Variants in MAPK14 observed in about 807,000 individuals in gnomAD.
The protein encoded by MAPK14 is mitogen-activated protein kinase 14.
MAPK14 carries 16 observed loss-of-function variants against 49.6 expected under a neutral mutation model. That is an observed-to-expected ratio of 0.32 (90% CI 0.22 to 0.49). The LOEUF (loss-of-function observed/expected upper bound fraction) is 0.49, where lower values mean the gene tolerates loss of function less well. MAPK14 is among the 20% of genes least tolerant of loss of function. The probability of loss-of-function intolerance (pLI) is 0.99; values close to 1 mark genes in which losing one functional copy is unlikely to be tolerated. For synonymous variants in MAPK14, 142 were observed against 158.0 expected (o/e 0.90, Z 0.76); for missense variants, 200 against 441.2 (o/e 0.45, Z 4.90).
At position 36,072,281 on chromosome 6, in the gene MAPK14, T is replaced by C. The variant is rs900934091; in HGVS notation, c.306-592T>C. On this transcript the variant is annotated intron_variant, in intron 3 of 11. Transcript: ENST00000229794. ...TGAGCCCAGGAGTTTGAGGTTGCAG[T>C]GAATTACTATGATTGCTCCACTGCA... 4.6e-5 allele frequency among the ~76,000 whole-genome samples: 7 copies of C among 151,988 alleles called. No homozygotes were observed. In the South Asian group the frequency reaches 1.3e-3, roughly 27 times the overall value.
intron 9 of MAPK14, 149 bp downstream of exon 9, chr6:36,096,215 G>A (rs1405074417): frequency 1.0e-5 from 6 of 600,898 alleles, no homozygotes; most frequent in Non-Finnish European, 3.0e-6. Context: ...GACAGTGTGA[G>A]TGTGTGTGTG....
chr6:36,104,231 G>A (rs1003592292), intron 10 of MAPK14, among the ~76,000 whole-genome samples: 1 of 152,164 alleles, frequency 6.6e-6, no homozygotes, highest in Non-Finnish European at 1.5e-5. Context: ...GGGTGGGTAC[G>A]ATTCTACTGA....
chr6:36,038,195 A>G (rs1211033913), intron 1 of MAPK14, among the ~76,000 whole-genome samples: 6 of 152,110 alleles, frequency 3.9e-5, no homozygotes, highest in Non-Finnish European at 8.8e-5. Flanking sequence ...ATAAAGTAAC[A>G]ATTGAGCAAA....
intron 1 of MAPK14, among the ~76,000 whole-genome samples, chr6:36,036,470 G>A (rs1762755042): frequency 1.3e-5 from 2 of 152,110 alleles, no homozygotes; most frequent in African/African-American, 4.8e-5. Flanking sequence ...TTCTACTGTG[G>A]GTAAAATGCT....
chr6:36,052,582 GC>G (rs1763443981), intron 1 of MAPK14, 116 bp from the exon 2 acceptor site: 1 of 866,344 alleles, frequency 1.2e-6, no homozygotes, highest in East Asian at 3.0e-5. Flanking sequence ...TTATCTTTAT[GC>G]TTTTTTTTGG....
intron 3 of MAPK14, among the ~76,000 whole-genome samples, chr6:36,063,378 A>G (rs898616649): frequency 1.1e-4 from 16 of 152,186 alleles, no homozygotes; most frequent in African/African-American, 3.9e-4. Context: ...ACTTGAGCCC[A>G]AGAGCTGGAG....
intron 1 of MAPK14, among the ~76,000 whole-genome samples, chr6:36,046,398 C>T (rs1445373522): frequency 6.6e-6 from 1 of 152,140 alleles, no homozygotes; most frequent in African/African-American, 2.4e-5. Flanking sequence ...CAAGGTTTTA[C>T]TTGTAGCTCT....
At chr6:36,105,100 A>G (rs1369343454) in intron 10 of MAPK14, among the ~76,000 whole-genome samples, 1 of 152,228 alleles carries the variant, frequency 6.6e-6, no homozygotes, top group African/African-American at 2.4e-5. Context: ...CGTGCCCAGC[A>G]TATTAACTGA....
intron 1 of MAPK14, among the ~76,000 whole-genome samples, chr6:36,037,546 G>T (rs1456889559): frequency 6.6e-6 from 1 of 152,140 alleles, no homozygotes; most frequent in Admixed American, 6.5e-5. Context: ...CAAGATTGTA[G>T]AGAGAAAGGG....
At chr6:36,102,671 A>G in intron 10 of MAPK14, 22 bp downstream of exon 10, 2 of 1,610,916 alleles carry the variant, frequency 1.2e-6, no homozygotes, top group Non-Finnish European at 1.7e-6. Context: ...ATATATCCTC[A>G]CCTCATGGAT....
chr6:36,047,163 C>T (rs1290287943), intron 1 of MAPK14, among the ~76,000 whole-genome samples: 4 of 152,176 alleles, frequency 2.6e-5, no homozygotes, highest in African/African-American at 7.2e-5. Flanking sequence ...CCACCACCCT[C>T]TTTTATGTGA....
At chr6:36,092,496 G>A in intron 8 of MAPK14, 1 of 571,852 alleles carries the variant, frequency 1.7e-6, no homozygotes, top group Middle Eastern at 3.8e-4. Context: ...TTTCCTGGTT[G>A]TATGTTTCAC....
chr6:36,068,576 T>C (rs938155858), intron 3 of MAPK14, among the ~76,000 whole-genome samples: 1 of 149,042 alleles, frequency 6.7e-6, no homozygotes, highest in Non-Finnish European at 1.5e-5. Flanking sequence ...AATAAATGGG[T>C]TTTTTTGTTT....
chr6:36,036,702 C>T (rs1308234903), intron 1 of MAPK14, among the ~76,000 whole-genome samples: 1 of 152,070 alleles, frequency 6.6e-6, no homozygotes, highest in Non-Finnish European at 1.5e-5. Flanking sequence ...GCTGAAGGCT[C>T]AGGTGACCCT....
In MAPK14 at chr6:36,066,098, A is replaced by C. The variant is rs1027672427; in HGVS notation, c.305+6751A>C. ...TTTTCAGTAACATCTTGGAGGGTAC[A>C]AAGGGCTTTCACATAATCTTATTTG... On this transcript the variant is annotated intron_variant, in intron 3 of 11. Coordinates refer to ENST00000229794, the MANE Select transcript of MAPK14 (RefSeq NM_139012.3). Among the ~76,000 whole-genome samples the C allele has an allele frequency of 2.6e-5, 4 of 152,202 alleles. No individual in the cohort carries two copies. The East Asian group carries it at 7.7e-4, about 29-fold the overall frequency.
intron 3 of MAPK14, among the ~76,000 whole-genome samples, chr6:36,060,250 A>C (rs561251328): frequency 1.3e-5 from 2 of 152,274 alleles, no homozygotes; most frequent in South Asian, 4.1e-4. Flanking sequence ...CCCATTGGCA[A>C]GGGTTGCCAC....
intron 3 of MAPK14, among the ~76,000 whole-genome samples, chr6:36,061,014 G>T (rs1763800480): frequency 6.6e-6 from 1 of 152,204 alleles, no homozygotes; most frequent in African/African-American, 2.4e-5. Flanking sequence ...ATTACTGGAT[G>T]TTACTCAGGG....
chr6:36,069,300 A>G (rs1764178854), intron 3 of MAPK14, among the ~76,000 whole-genome samples: 1 of 152,126 alleles, frequency 6.6e-6, no homozygotes, highest in Admixed American at 6.6e-5. Context: ...CATTATTTTT[A>G]GAAGTTGGTG....
At chr6:36,048,344 G>A (rs1479126353) in intron 1 of MAPK14, among the ~76,000 whole-genome samples, 2 of 152,062 alleles carry the variant, frequency 1.3e-5, no homozygotes, top group African/African-American at 2.4e-5. Context: ...CACCCAACCC[G>A]TTTTTTATTT....
Sources: allele counts gnomAD v4.1 joint callset (sites outside exome capture counted in the v4.1 genomes callset), GRCh38; gene constraint gnomAD v4.1.1; transcripts MANE v1.5; gene names NCBI Gene and HGNC (gene_info 2026-07-23, HGNC 2026-07-21).